The following EYS variants were observed in gnomAD, a reference collection of about 807,000 sequenced individuals.
EYS encodes the protein protein eyes shut homolog.
EYS carries 250 observed loss-of-function variants against 282.1 expected under a neutral mutation model. The observed-to-expected ratio is 0.89, with a 90% CI of 0.80 to 0.98. The LOEUF (loss-of-function observed/expected upper bound fraction) is 0.98. Ranked by LOEUF, EYS falls within the 50% of genes least tolerant of loss-of-function variation. The pLI is 0.00. For synonymous variants in EYS, 1,355 were observed against 1,282.9 expected (o/e 1.06, Z -1.20); for missense variants, 4,016 against 3,709.0 (o/e 1.08, Z -2.15).
chr6:63,977,298 A>C (rs1034695450), intron 35 of EYS, among the ~76,000 whole-genome samples: 1 of 152,020 alleles, frequency 6.6e-6, no homozygotes, highest in Admixed American at 6.6e-5. Context: ...TTGTGTCAAG[A>C]ACATTCCAAA....
At position 64,055,721 on chromosome 6, in the gene EYS, G is replaced by T. The variant is rs1231405483; in HGVS notation, c.6725+10617C>A. On this transcript the variant is annotated intron_variant, in intron 33 of 42. Transcript: ENST00000503581. ...GTGGTTTTGGTATGATGAGTATTTAGCTGTTCTTCTGAAGCGTCACTGTTT... is the reference window on the plus strand; with the variant it reads ...GTGGTTTTGGTATGATGAGTATTTATCTGTTCTTCTGAAGCGTCACTGTTT... 5.3e-5 allele frequency among the ~76,000 whole-genome samples: 8 copies of T among 152,226 alleles called. No individual in the cohort carries two copies. In the East Asian group the frequency reaches 1.5e-3, roughly 29 times the overall value.
At chr6:64,471,280 A>T (rs1776114300) in intron 26 of EYS, among the ~76,000 whole-genome samples, 1 of 152,182 alleles carries the variant, frequency 6.6e-6, no homozygotes, top group Non-Finnish European at 1.5e-5. Flanking sequence ...AGCCATCAAG[A>T]TTAGAAAAGA....
chr6:64,920,537 G>A (rs1050117926), intron 15 of EYS, among the ~76,000 whole-genome samples: 5 of 152,000 alleles, frequency 3.3e-5, no homozygotes, highest in Non-Finnish European at 7.4e-5. Context: ...GCAAGTCCAA[G>A]TAAGTCTGCT....
intron 12 of EYS, among the ~76,000 whole-genome samples, chr6:65,260,692 A>T (rs1156386928): frequency 6.6e-6 from 1 of 152,064 alleles, no homozygotes; most frequent in African/African-American, 2.4e-5. Flanking sequence ...CACATTTAAG[A>T]TTACTTATAT....
intron 14 of EYS, among the ~76,000 whole-genome samples, chr6:64,975,399 G>A (rs772359993): frequency 1.3e-5 from 2 of 151,812 alleles, no homozygotes; most frequent in Non-Finnish European, 2.9e-5. Context: ...TCCCCAGGAG[G>A]AAAGGGCTCT....
intron 22 of EYS, among the ~76,000 whole-genome samples, chr6:64,647,830 C>G (rs1033374879): frequency 6.6e-6 from 1 of 152,044 alleles, no homozygotes; most frequent in Non-Finnish European, 1.5e-5. Context: ...TAGGTAGGAA[C>G]CTTTTTGCTT....
intron 31 of EYS, among the ~76,000 whole-genome samples, chr6:64,205,814 T>TATACAC (rs1765592082): frequency 7.3e-6 from 1 of 136,282 alleles, no homozygotes; most frequent in Non-Finnish European, 1.6e-5. Flanking sequence ...TAGGCATTCA[T>TATACAC]ACACACACAC....
At chr6:64,411,668 T>G (rs1354381336) in intron 28 of EYS, among the ~76,000 whole-genome samples, 1 of 151,936 alleles carries the variant, frequency 6.6e-6, no homozygotes, top group African/African-American at 2.4e-5. Context: ...CATAGTGAGA[T>G]CCTACCAATA....
intron 11 of EYS, among the ~76,000 whole-genome samples, chr6:65,310,652 C>T (rs1451510602): frequency 2.0e-5 from 3 of 152,176 alleles, no homozygotes; most frequent in East Asian, 1.9e-4. Flanking sequence ...CATTCTGCTA[C>T]AGTCATCTAG....
chr6:64,553,032 C>A (rs1288066177), intron 26 of EYS, among the ~76,000 whole-genome samples: 3 of 148,622 alleles, frequency 2.0e-5, no homozygotes, highest in African/African-American at 7.4e-5. Context: ...CAGATTCAAT[C>A]AATGTACATC....
At chr6:64,044,092 A>G (rs978902876) in intron 33 of EYS, among the ~76,000 whole-genome samples, 1 of 152,188 alleles carries the variant, frequency 6.6e-6, no homozygotes, top group African/African-American at 2.4e-5. Context: ...GTGCATGTTA[A>G]TATGTCATAT....
intron 2 of EYS, among the ~76,000 whole-genome samples, chr6:65,506,875 C>A: frequency 6.6e-6 from 1 of 152,230 alleles, no homozygotes; most frequent in Middle Eastern, 3.4e-3. Flanking sequence ...ATTTATCTCT[C>A]CTGATCTTTC....
chr6:64,288,413 C>T (rs372234140), intron 30 of EYS, among the ~76,000 whole-genome samples: 17 of 152,072 alleles, frequency 1.1e-4, no homozygotes, highest in Non-Finnish European at 1.8e-4. Context: ...GAATCAAGTT[C>T]CTCTTTGCCT....
chr6:64,591,781 G>C lies in EYS; in HGVS notation c.4086C>G (p.Val1362=). The change falls in exon 26 of 43, where the codon GTC becomes GTG. Residue 1362 remains valine, a synonymous_variant. Transcript: ENST00000503581. ...NFGIRDPAQI[V]QDKTSVSHMP... ...TATGTGATACCGATGTTTTGTCCTG[G>C]ACAATTTGTGCTGGGTCACGAATAC... The C allele has an allele frequency of 6.4e-7, 1 of 1,551,276 alleles. No individual in the cohort carries two copies. Among genetic ancestry groups the C allele is most frequent in the Non-Finnish European group, 8.7e-7 (1 of 1,146,724 alleles).
rs533706833 is a variant in EYS, at chr6:65,501,708, T to C, written c.-332-5715A>G. Among the ~76,000 whole-genome samples, 48 of 151,936 alleles carry C rather than the reference T, an allele frequency of 3.2e-4. No individual in the cohort carries two copies. The South Asian group carries it at 8.7e-3, about 28-fold the overall frequency. On this transcript the variant is annotated intron_variant, in intron 2 of 42. Transcript: ENST00000503581. ...GTTAAATTTTTATCAAAATATATAATTCCATATATGACATTATAAAAAAGT... is the reference window on the plus strand; with the variant it reads ...GTTAAATTTTTATCAAAATATATAACTCCATATATGACATTATAAAAAAGT...
intron 26 of EYS, among the ~76,000 whole-genome samples, chr6:64,468,622 C>A (rs774755512): frequency 5.3e-5 from 8 of 152,048 alleles, no homozygotes; most frequent in Non-Finnish European, 1.2e-4. Flanking sequence ...AACATACTAC[C>A]CAATATGTAT....
intron 2 of EYS, among the ~76,000 whole-genome samples, chr6:65,518,446 C>T (rs543371413): frequency 2.0e-5 from 3 of 152,020 alleles, no homozygotes; most frequent in South Asian, 2.1e-4. Flanking sequence ...TATATTAAAG[C>T]GTCAAAGGTT....
At position 64,682,820 on chromosome 6, in the gene EYS, G is replaced by A. The variant is rs184089789; in HGVS notation, c.3444-56575C>T. The stretch of plus-strand genomic sequence containing the variant: ...AAAGAACCTTTTTAAATAAACTTCC[G>A]CTCCTGCTCTGAAACTTGCCTGGGT... On this transcript the variant is annotated intron_variant, in intron 22 of 42. Transcript: ENST00000503581. 4.6e-5 allele frequency among the ~76,000 whole-genome samples: 7 copies of A among 151,984 alleles called. No individual in the cohort carries two copies. In the East Asian group the frequency reaches 1.2e-3, roughly 25 times the overall value.
chr6:65,150,126 A>G (rs1011071348), intron 12 of EYS, among the ~76,000 whole-genome samples: 2 of 152,028 alleles, frequency 1.3e-5, no homozygotes, highest in African/African-American at 4.8e-5. Context: ...TGGGAACTAC[A>G]ATTCAAGATA....
Sources: allele counts gnomAD v4.1 joint callset (sites outside exome capture counted in the v4.1 genomes callset), GRCh38; gene constraint gnomAD v4.1.1; transcripts MANE v1.5; gene names NCBI Gene and HGNC (gene_info 2026-07-23, HGNC 2026-07-21).